Variants in RALGPS1 observed in about 807,000 individuals in gnomAD.
RALGPS1 encodes ras-specific guanine nucleotide-releasing factor RalGPS1.
A neutral mutation model predicts 78.8 loss-of-function variants in RALGPS1; 19 were observed. That is an observed-to-expected ratio of 0.24 (90% CI 0.17 to 0.35). The LOEUF is 0.35. Among genes scored for constraint, RALGPS1 ranks in the 10% least tolerant of loss-of-function variants. The probability of loss-of-function intolerance (pLI) is 1.00; values close to 1 mark genes in which losing one functional copy is unlikely to be tolerated. For missense variants in RALGPS1, 454 were observed against 688.3 expected, an observed-to-expected ratio of 0.66 and a Z score of 3.81; for synonymous variants, 228 against 256.3, an observed-to-expected ratio of 0.89 and a Z score of 1.06.
chr9:127,162,239 G>A (rs764096065), intron 8 of RALGPS1, among the ~76,000 whole-genome samples: 3 of 152,228 alleles, frequency 2.0e-5, no homozygotes, highest in Non-Finnish European at 4.4e-5. Flanking sequence ...GAGGCGTTAG[G>A]CCTGATGGGG....
intron 4 of RALGPS1, among the ~76,000 whole-genome samples, chr9:127,029,198 T>G (rs2134438619): frequency 6.6e-6 from 1 of 152,268 alleles, no homozygotes; most frequent in Middle Eastern, 3.4e-3. Flanking sequence ...TCTCTTTTAT[T>G]TGCCCATCTC....
At chr9:127,009,799 T>C (rs2044181825) in intron 4 of RALGPS1, among the ~76,000 whole-genome samples, 1 of 152,208 alleles carries the variant, frequency 6.6e-6, no homozygotes, top group African/African-American at 2.4e-5. Context: ...GATAGAGTAC[T>C]GTCTTAGCCT....
At chr9:127,151,184 A>G (rs1588183101) in intron 8 of RALGPS1, among the ~76,000 whole-genome samples, 1 of 151,106 alleles carries the variant, frequency 6.6e-6, no homozygotes, top group East Asian at 1.9e-4. Flanking sequence ...CTCCGTCTCA[A>G]AAAAAAAAGA....
At chr9:127,076,983 G>A (rs141874790) in intron 8 of RALGPS1, among the ~76,000 whole-genome samples, 2 of 152,292 alleles carry the variant, frequency 1.3e-5, no homozygotes, top group South Asian at 2.1e-4. Context: ...AAAACTGGCC[G>A]GAGAGTAGTG....
At chr9:127,019,164 T>G (rs2045197483) in intron 4 of RALGPS1, among the ~76,000 whole-genome samples, 1 of 152,204 alleles carries the variant, frequency 6.6e-6, no homozygotes, top group South Asian at 2.1e-4. Flanking sequence ...AGGTCCATTG[T>G]ATGTAATGAA....
intron 8 of RALGPS1, among the ~76,000 whole-genome samples, chr9:127,098,555 C>A (rs2053398979): frequency 6.6e-6 from 1 of 152,126 alleles, no homozygotes; most frequent in Admixed American, 6.5e-5. Flanking sequence ...GGTCAGGAGG[C>A]CTCCAGAGGA....
At chr9:127,148,526 A>G (rs1009920697) in intron 8 of RALGPS1, among the ~76,000 whole-genome samples, 36 of 152,262 alleles carry the variant, frequency 2.4e-4, no homozygotes, top group African/African-American at 8.0e-4. Context: ...GCTGTGTGCC[A>G]GGCACCGTGT....
intron 4 of RALGPS1, among the ~76,000 whole-genome samples, chr9:127,026,205 C>T (rs552489936): frequency 6.6e-6 from 1 of 152,310 alleles, no homozygotes; most frequent in Non-Finnish European, 1.5e-5. Context: ...GGGCAGGAAG[C>T]ATCCAGCATG....
At chr9:127,174,682 C>T (rs1421296367) in intron 10 of RALGPS1, 33 bp from the exon 11 acceptor site, 1 of 1,603,588 alleles carries the variant, frequency 6.2e-7, no homozygotes, top group East Asian at 2.2e-5. Flanking sequence ...TAAACCAGAG[C>T]CCATCTGATC....
chr9:126,997,623 C>A (rs1238643648), intron 4 of RALGPS1, among the ~76,000 whole-genome samples: 1 of 152,140 alleles, frequency 6.6e-6, no homozygotes. Flanking sequence ...CAATGCCATC[C>A]CCATCAAGCT....
intron 8 of RALGPS1, among the ~76,000 whole-genome samples, chr9:127,164,416 G>A (rs2059182333): frequency 6.6e-6 from 1 of 151,844 alleles, no homozygotes; most frequent in Non-Finnish European, 1.5e-5. Context: ...TGTGTTTTTG[G>A]TAGAGATTGG....
chr9:127,144,995 C>G (rs1339255526), intron 8 of RALGPS1, among the ~76,000 whole-genome samples: 1 of 151,722 alleles, frequency 6.6e-6, no homozygotes, highest in Non-Finnish European at 1.5e-5. Context: ...TATTTGGCCA[C>G]AATAAAAAAT....
At chr9:127,190,975 C>T (rs1431786476) in intron 11 of RALGPS1, among the ~76,000 whole-genome samples, 1 of 152,092 alleles carries the variant, frequency 6.6e-6, no homozygotes, top group Admixed American at 6.5e-5. Flanking sequence ...TTTGCATTTC[C>T]ATTATTACCA....
chr9:127,127,382 A>G (rs1402217158), intron 8 of RALGPS1, among the ~76,000 whole-genome samples: 1 of 152,192 alleles, frequency 6.6e-6, no homozygotes, highest in East Asian at 1.9e-4. Context: ...CCACTCCTCC[A>G]TTTCAGGAAC....
At chr9:127,033,415 G>T (rs967185876) in intron 4 of RALGPS1, among the ~76,000 whole-genome samples, 1 of 152,130 alleles carries the variant, frequency 6.6e-6, no homozygotes, top group Non-Finnish European at 1.5e-5. Flanking sequence ...TGTTCCTACT[G>T]CTCCCCTCCC....
intron 1 of RALGPS1, among the ~76,000 whole-genome samples, chr9:126,957,466 C>T (rs2038453671): frequency 6.6e-6 from 1 of 152,200 alleles, no homozygotes; most frequent in Non-Finnish European, 1.5e-5. Context: ...AGGCTGGATC[C>T]ACTCAAAGAG....
intron 11 of RALGPS1, among the ~76,000 whole-genome samples, chr9:127,188,347 C>T (rs970340880): frequency 1.1e-4 from 17 of 152,168 alleles, no homozygotes; most frequent in Non-Finnish European, 2.4e-4. Flanking sequence ...GAACCCCTTG[C>T]GGGGAAAATG....
rs1005201130 is a variant in RALGPS1 at position 127,126,229 on chromosome 9, A to G, written c.611-39840A>G. Among the ~76,000 whole-genome samples, 10 of 152,294 alleles carry G rather than the reference A, an allele frequency of 6.6e-5. No homozygotes were observed. The South Asian group carries it at 2.1e-3, about 32-fold the overall frequency. On this transcript the variant is annotated intron_variant, in intron 8 of 18. Transcript: ENST00000259351. ...CTGACCAACATTGTTTCTGTTGAGA[A>G]GTCAACTGCCTTCCTTATTGTTGTT...
intron 11 of RALGPS1, among the ~76,000 whole-genome samples, chr9:127,193,262 C>T (rs7870777): frequency 0.016 from 2,488 of 152,282 alleles, 81 homozygotes; most frequent in African/African-American, 0.056. Flanking sequence ...GAGATCCCAC[C>T]TGACATCCAG....
Sources: gnomAD v4.1 joint callset for allele counts (sites outside exome capture counted in the v4.1 genomes callset) on GRCh38, gnomAD v4.1.1 for gene constraint, MANE v1.5 for transcripts, NCBI Gene and HGNC (gene_info 2026-07-23, HGNC 2026-07-21) for gene names.